The following C10orf90 variants were observed in gnomAD, a reference collection of about 807,000 sequenced individuals.
The protein encoded by C10orf90 is chromosome 10 open reading frame 90.
In C10orf90, 56 loss-of-function variants were observed where a neutral mutation model predicts 62.5. That is an observed-to-expected ratio of 0.90 (90% CI 0.72 to 1.12). The LOEUF is 1.12. C10orf90 is among the 50% of genes most tolerant of loss of function. C10orf90 has a pLI of 0.00. For synonymous variants in C10orf90, 386 were observed against 340.4 expected, an observed-to-expected ratio of 1.13 and a Z score of -1.47; for missense variants, 970 against 880.4, an observed-to-expected ratio of 1.10 and a Z score of -1.29.
In C10orf90 at chr10:126,650,587, C is replaced by T. The variant is rs150958683; in HGVS notation, c.241-3950G>A. 9.1e-4 allele frequency among the ~76,000 whole-genome samples: 139 copies of T among 152,244 alleles called. 1 individual carries two copies. The highest frequency in any genetic ancestry group is 3.3e-3 in the African/African-American group (137 of 41,534). ...AAAGGACCCCACATTGGAACCCATGCTATTAGAATCAGTCCTAGGGAATAG... is the reference window on the plus strand; with the variant it reads ...AAAGGACCCCACATTGGAACCCATGTTATTAGAATCAGTCCTAGGGAATAG... On this transcript the variant is annotated intron_variant, in intron 1 of 9. Transcript: ENST00000488181.
intron 2 of C10orf90, among the ~76,000 whole-genome samples, chr10:126,608,912 C>T (rs1387629113): frequency 6.6e-6 from 1 of 152,124 alleles, no homozygotes; most frequent in Non-Finnish European, 1.5e-5. Context: ...TGGGTAGAGG[C>T]AGCCTATGTA....
chr10:126,653,610 A>T (rs1299653139), intron 1 of C10orf90, among the ~76,000 whole-genome samples: 1 of 152,128 alleles, frequency 6.6e-6, no homozygotes, highest in Non-Finnish European at 1.5e-5. Context: ...AACCCCTCAA[A>T]GTCATCCATG....
chr10:126,600,817 A>T (rs1261517045), intron 2 of C10orf90, among the ~76,000 whole-genome samples: 1 of 152,128 alleles, frequency 6.6e-6, no homozygotes, highest in African/African-American at 2.4e-5. Flanking sequence ...GACACTGAGG[A>T]TCCAGGAATC....
At chr10:126,649,072 C>CTCTCT (rs1445649784) in intron 1 of C10orf90, among the ~76,000 whole-genome samples, 38 of 49,902 alleles carry the variant, frequency 7.6e-4, no homozygotes, top group African/African-American at 2.9e-3. Flanking sequence ...CTCTCTCTCT[C>CTCTCT]CCCCCCCCCC....
At chr10:126,627,492 T>C (rs1264442664) in intron 2 of C10orf90, among the ~76,000 whole-genome samples, 1 of 151,872 alleles carries the variant, frequency 6.6e-6, no homozygotes, top group Non-Finnish European at 1.5e-5. Flanking sequence ...CTCTGTGGGG[T>C]TCCTGCCTCC....
chr10:126,558,834 C>A (rs1351053506), intron 2 of C10orf90, among the ~76,000 whole-genome samples: 2 of 152,262 alleles, frequency 1.3e-5, no homozygotes, highest in African/African-American at 4.8e-5. Flanking sequence ...GCCTTGTACT[C>A]TGGATCCCCA....
chr10:126,486,868 A>G (rs1423357273), intron 4 of C10orf90, among the ~76,000 whole-genome samples: 1 of 152,114 alleles, frequency 6.6e-6, no homozygotes, highest in Non-Finnish European at 1.5e-5. Flanking sequence ...TGAGGCCAGC[A>G]GCACTGGCTC....
chr10:126,615,939 T>C (rs1436793), intron 2 of C10orf90, among the ~76,000 whole-genome samples: 60,355 of 152,124 alleles, frequency 0.4, 13,450 homozygotes, highest in African/African-American at 0.61. Context: ...CAGGCCACCA[T>C]CACCTTCACT....
intron 2 of C10orf90, among the ~76,000 whole-genome samples, chr10:126,541,373 A>G (rs1388835775): frequency 6.6e-6 from 1 of 152,234 alleles, no homozygotes; most frequent in African/African-American, 2.4e-5. Context: ...TAAAATAACA[A>G]TGTACATCAA....
chr10:126,503,763 G>A (rs11245006), intron 4 of C10orf90, among the ~76,000 whole-genome samples, 194 bp downstream of exon 4: 1 of 148,906 alleles, frequency 6.7e-6, no homozygotes, highest in Admixed American at 6.6e-5. Context: ...ATCTACAAAA[G>A]TCTCAACTAA....
chr10:126,668,303 G>A (rs1846674457), intron 1 of C10orf90, among the ~76,000 whole-genome samples: 1 of 152,126 alleles, frequency 6.6e-6, no homozygotes, highest in Non-Finnish European at 1.5e-5. Flanking sequence ...CTGCTCATTT[G>A]TCAGCCCATT....
intron 2 of C10orf90, among the ~76,000 whole-genome samples, chr10:126,521,828 T>C (rs1037907265): frequency 2.0e-5 from 3 of 152,228 alleles, no homozygotes; most frequent in Admixed American, 2.0e-4. Flanking sequence ...TAAATTATAA[T>C]GAGCATTGTT....
chr10:126,569,903 C>A (rs2134002344), intron 2 of C10orf90, among the ~76,000 whole-genome samples: 1 of 151,854 alleles, frequency 6.6e-6, no homozygotes, highest in East Asian at 1.9e-4. Context: ...GTGTCACTTT[C>A]AAGCTTAAAA....
intron 3 of C10orf90, among the ~76,000 whole-genome samples, chr10:126,512,483 AAACTC>A (rs1327784356): frequency 6.6e-6 from 1 of 152,070 alleles, no homozygotes; most frequent in Non-Finnish European, 1.5e-5. Context: ...ATTAGTGACT[AAACTC>A]TAATTAATTT....
rs1425789813 is a variant in C10orf90 at position 126,463,803 on chromosome 10, A to C, written c.1825+893T>G. Among the ~76,000 whole-genome samples, 3 of 152,232 alleles carry C rather than the reference A, an allele frequency of 2.0e-5. No homozygotes were observed. In the South Asian group the frequency reaches 6.2e-4, roughly 32 times the overall value. On this transcript the variant is annotated intron_variant, in intron 5 of 9. Coordinates refer to ENST00000488181, the MANE Select transcript of C10orf90 (RefSeq NM_001350921.2). ...CATGGCCCACCACACAGACACGGCTATGCTGCTGACCGTTTCCTGTGCCAA... is the reference window on the plus strand; with the variant it reads ...CATGGCCCACCACACAGACACGGCTCTGCTGCTGACCGTTTCCTGTGCCAA...
intron 2 of C10orf90, among the ~76,000 whole-genome samples, chr10:126,617,455 G>C (rs1430432408): frequency 6.6e-6 from 1 of 152,206 alleles, no homozygotes; most frequent in African/African-American, 2.4e-5. Flanking sequence ...GACTGGCTTG[G>C]ATTCTTCCAA....
chr10:126,650,974 A>G (rs1386856979), intron 1 of C10orf90, among the ~76,000 whole-genome samples: 2 of 152,174 alleles, frequency 1.3e-5, no homozygotes, highest in Non-Finnish European at 2.9e-5. Context: ...CTGCTAAGAC[A>G]ATGGTAACAT....
Position 126,599,182 on chromosome 10 carries a change from CTTTTTTTTTTTT to C in C10orf90, c.313+47371_313+47382del, listed in dbSNP as rs755259124. On this transcript the variant is annotated intron_variant, in intron 2 of 9. Transcript: ENST00000488181. ...TGCCAGGCCTCATTGGGTTCCACTC[CTTTTTTTTTTTT>C]TTTTTTTTGAGACGGAGTTTCGCTC... Among the ~76,000 whole-genome samples, 4 of 128,248 alleles carry C rather than the reference CTTTTTTTTTTTT, an allele frequency of 3.1e-5. No individual in the cohort carries two copies. In the South Asian group the frequency reaches 9.8e-4, roughly 31 times the overall value. The allele number at this position is 128,248 out of a possible 152,430, so 84.1% of individuals were successfully genotyped here. A position where few individuals can be genotyped will look rare whatever the true frequency, so the allele number is the denominator to read the frequency against.
chr10:126,496,753 C>T (rs1265151992), intron 4 of C10orf90: 16 of 970,246 alleles, frequency 1.6e-5, no homozygotes, highest in Non-Finnish European at 2.0e-5. Context: ...GAAGGAAACA[C>T]ATCAAGCACT....
Sources: allele counts gnomAD v4.1 joint callset (sites outside exome capture counted in the v4.1 genomes callset), GRCh38; gene constraint gnomAD v4.1.1; transcripts MANE v1.5; gene names NCBI Gene and HGNC (gene_info 2026-07-23, HGNC 2026-07-21).